The following CARHSP1 variants were observed in gnomAD, a reference collection of about 807,000 sequenced individuals.
CARHSP1 encodes calcium regulated heat stable protein 1.
A neutral mutation model predicts 12.5 loss-of-function variants in CARHSP1; 14 were observed. The ratio of observed to expected loss-of-function variants is 1.12; its 90% confidence interval spans 0.74 to 1.75. CARHSP1 has a LOEUF of 1.75. CARHSP1 is among the 40% of genes most tolerant of loss of function. The pLI, the probability that CARHSP1 is intolerant of heterozygous loss-of-function variation, is 0.00. For missense variants in CARHSP1, 343 were observed against 201.6 expected (o/e 1.70, Z -4.25); for synonymous variants, 161 against 82.0 (o/e 1.96, Z -5.20).
In CARHSP1 at chr16:8,855,190, A is replaced by C; in HGVS notation, c.418T>G (p.Trp140Gly). ...HLAPGTKHETWSGHVISS is the reference protein window; with the variant it reads ...HLAPGTKHETGSGHVISS ...TAGGAGCTGATGACATGTCCAGACCAGGTCTCATGCTTGGTGCCTGGTGCC... is the reference window on the plus strand; with the variant it reads ...TAGGAGCTGATGACATGTCCAGACCCGGTCTCATGCTTGGTGCCTGGTGCC... The change falls in exon 4 of 4, where the codon TGG becomes GGG. Residue 140 changes from tryptophan (W) to glycine (G), a missense_variant. Physicochemically the swap from Trp to Gly is radical, Grantham distance 184. Transcript: ENST00000311052. 6.2e-7 allele frequency: 1 copy of C among 1,611,204 alleles called. No homozygotes were observed. Among genetic ancestry groups the C allele is most frequent in the Non-Finnish European group, 8.5e-7 (1 of 1,178,240 alleles).
At chr16:8,860,408 T>C in intron 1 of CARHSP1, 1 of 985,384 alleles carries the variant, frequency 1.0e-6, no homozygotes, top group Non-Finnish European at 1.2e-6. Flanking sequence ...TTTTGACAAT[T>C]TTTCAAGAGC....
intron 1 of CARHSP1, among the ~76,000 whole-genome samples, chr16:8,866,740 G>A (rs980622393): frequency 4.6e-5 from 7 of 151,580 alleles, no homozygotes; most frequent in Non-Finnish European, 1.0e-4. Context: ...GGAGTGTCCA[G>A]GGGGAGGGAC....
chr16:8,857,285 T>TTTG (rs2061161842), intron 3 of CARHSP1, among the ~76,000 whole-genome samples: 11 of 127,746 alleles, frequency 8.6e-5, no homozygotes, highest in Non-Finnish European at 1.3e-4. Context: ...TTTTTTTTTT[T>TTTG]TTTTTTTTTT....
intron 2 of CARHSP1, chr16:8,858,818 G>T (rs539493584): frequency 1.8e-4 from 74 of 409,152 alleles, no homozygotes; most frequent in African/African-American, 1.4e-3. Flanking sequence ...GCATCTGCCA[G>T]GCATTATGTG....
rs2061053834 is a variant in CARHSP1 at position 8,855,101 on chromosome 16, T to G, written c.*63A>C. On this transcript the variant is annotated 3_prime_UTR_variant, in exon 4 of 4. Coordinates refer to ENST00000311052, the MANE Select transcript of CARHSP1 (RefSeq NM_014316.4). ...GTGTGGAAGAATGTCATCTCCAGTG[T>G]CTGCTGCCTCCTCCCTGCAAAGTCT... 2.2e-6 allele frequency: 3 copies of G among 1,389,320 alleles called. 1 individual carries two copies. Among genetic ancestry groups the G allele is most frequent in the South Asian group, 3.2e-5 (2 of 63,450 alleles). 86.1% of individuals were successfully genotyped at this position (1,389,320 alleles called of 1,614,324 possible). A position where few individuals can be genotyped will look rare whatever the true frequency, so the allele number is the denominator to read the frequency against.
rs2060985823 is a variant in CARHSP1, at chr16:8,852,957, C to G, written c.*2207G>C. The G allele has an allele frequency of 6.6e-6, 1 of 152,222 alleles. No individual in the cohort carries two copies. The highest frequency in any genetic ancestry group is 1.9e-4 in the East Asian group (1 of 5,172). 9.4% of individuals were successfully genotyped at this position (152,222 alleles called of 1,614,324 possible). A position where few individuals can be genotyped will look rare whatever the true frequency, so the allele number is the denominator to read the frequency against. ...AACACACGCATAGCCTTGCACAAAA[C>G]AAAAATTTATTGGGAGAAAGATGGC... On this transcript the variant is annotated 3_prime_UTR_variant, in exon 4 of 4. Transcript: ENST00000311052.
rs536562914 is a variant in CARHSP1 at position 8,854,962 on chromosome 16, A to G, written c.*202T>C. On this transcript the variant is annotated 3_prime_UTR_variant, in exon 4 of 4. Coordinates refer to ENST00000311052, the MANE Select transcript of CARHSP1 (RefSeq NM_014316.4). ...CTTCAGATGGTGAGAGGTTGTTGCA[A>G]TGGTCATAGGCTGTGCTGATGGCCG... The G allele has an allele frequency of 1.7e-5, 7 of 412,680 alleles. No individual in the cohort carries two copies. The highest frequency in any genetic ancestry group is 8.6e-5 in the Admixed American group (2 of 23,314). The allele number at this position is 412,680 out of a possible 1,614,324, so 25.6% of individuals were successfully genotyped here. A position where few individuals can be genotyped will look rare whatever the true frequency, so the allele number is the denominator to read the frequency against.
At position 8,866,660 on chromosome 16, in the gene CARHSP1, G is replaced by A. The variant is rs140002569; in HGVS notation, c.-8+2306C>T. Among the ~76,000 whole-genome samples, 341 of 152,060 alleles carry A rather than the reference G, an allele frequency of 2.2e-3. 1 individual carries two copies. Among genetic ancestry groups the A allele is most frequent in the African/African-American group, 7.6e-3 (314 of 41,462 alleles). ...GCCACATTCCCCTCCATTGTTCCGG[G>A]GAGAGCGGGGGGTCTGGCGAGGGAG... is the stretch of plus-strand genomic sequence containing the variant. On this transcript the variant is annotated intron_variant, in intron 1 of 3. Transcript: ENST00000311052.
Position 8,865,433 on chromosome 16 carries a change from C to T in CARHSP1, c.-8+3533G>A, listed in dbSNP as rs373731701. ...CCAGAGATTCCATTCTTAATAGCTT[C>T]AGCCCCTTTATTGAAGACAGGATGA... On this transcript the variant is annotated intron_variant, in intron 1 of 3. Coordinates refer to ENST00000311052, the MANE Select transcript of CARHSP1 (RefSeq NM_014316.4). Among the ~76,000 whole-genome samples, 30 of 152,332 alleles carry T rather than the reference C, an allele frequency of 2.0e-4. No individual in the cohort carries two copies. The East Asian group carries it at 3.5e-3, about 18-fold the overall frequency.
At chr16:8,858,915 AG>A in intron 2 of CARHSP1, 1 of 451,426 alleles carries the variant, frequency 2.2e-6, no homozygotes. Context: ...GTGTGGTTAA[AG>A]CCCAGCGATT....
At chr16:8,859,062 A>G (rs569586037) in intron 2 of CARHSP1, 109 bp downstream of exon 2, 2 of 1,069,860 alleles carry the variant, frequency 1.9e-6, no homozygotes, top group African/African-American at 1.6e-5. Flanking sequence ...AGGTCTGCCT[A>G]TTTGGCAGTC....
At chr16:8,857,263 G>GTTTTTTTTTTTTTTTTTTTTTT (rs756390920) in intron 3 of CARHSP1, among the ~76,000 whole-genome samples, 4 of 57,032 alleles carry the variant, frequency 7.0e-5, no homozygotes, top group South Asian at 8.8e-4. Flanking sequence ...GGGCAGATCT[G>GTTTTTTTTTTTTTTTTTTTTTT]TTTTTTTTTT....
Position 8,865,711 on chromosome 16 carries a change from C to G in CARHSP1, c.-8+3255G>C, listed in dbSNP as rs113701810. 2.3e-3 allele frequency among the ~76,000 whole-genome samples: 353 copies of G among 152,344 alleles called. 1 individual carries two copies. Among genetic ancestry groups the G allele is most frequent in the African/African-American group, 8.0e-3 (332 of 41,574 alleles). On this transcript the variant is annotated intron_variant, in intron 1 of 3. Transcript: ENST00000311052. ...AGTGCTTTCATACACCCTACAGCCA[C>G]TGTCCACAGACTTCTGCGTCAGGCC...
At chr16:8,858,799 C>T (rs752337115) in intron 2 of CARHSP1, 24 of 421,130 alleles carry the variant, frequency 5.7e-5, no homozygotes, top group Admixed American at 1.2e-4. Context: ...CTCGCAAGGC[C>T]TGAGACCTGC....
intron 3 of CARHSP1, among the ~76,000 whole-genome samples, chr16:8,856,558 C>T (rs1230141110): frequency 4.0e-5 from 6 of 149,616 alleles, no homozygotes. Context: ...TCCATGTATG[C>T]ATGCATATGT....
rs139494286 is a variant in CARHSP1 at position 8,856,713 on chromosome 16, A to C, written c.282-1387T>G. On this transcript the variant is annotated intron_variant, in intron 3 of 3. Coordinates refer to ENST00000311052, the MANE Select transcript of CARHSP1 (RefSeq NM_014316.4). ...TTCCGTGTTAGCGGGTATGCTGTGCAGAGTAGGACTCTGTCTGCCCCTGCC... is the reference window on the plus strand; with the variant it reads ...TTCCGTGTTAGCGGGTATGCTGTGCCGAGTAGGACTCTGTCTGCCCCTGCC... 5.1e-3 allele frequency among the ~76,000 whole-genome samples: 777 copies of C among 152,288 alleles called. 4 individuals carry two copies. The highest frequency in any genetic ancestry group is 0.018 in the African/African-American group (733 of 41,558).
In CARHSP1 at chr16:8,854,364, C is replaced by T. The variant is rs1017607752; in HGVS notation, c.*800G>A. 6.6e-6 allele frequency: 1 copy of T among 152,108 alleles called. No homozygotes were observed. The highest frequency in any genetic ancestry group is 1.5e-5 in the Non-Finnish European group (1 of 68,046). The allele number at this position is 152,108 out of a possible 1,614,324, so 9.4% of individuals were successfully genotyped here. Reference sequence around the variant, plus strand: ...CCACAAGCCCTTCCCACCACCACCACCCCAGCCCCCCGCCGCCATAATTAC... The same window carrying T: ...CCACAAGCCCTTCCCACCACCACCATCCCAGCCCCCCGCCGCCATAATTAC... On this transcript the variant is annotated 3_prime_UTR_variant, in exon 4 of 4. Transcript: ENST00000311052.
chr16:8,864,718 A>G (rs1021245791), intron 1 of CARHSP1, among the ~76,000 whole-genome samples: 1 of 152,068 alleles, frequency 6.6e-6, no homozygotes, highest in Non-Finnish European at 1.5e-5. Flanking sequence ...CGGCCAAGGG[A>G]GGGAGCCCAG....
At chr16:8,868,788 AC>A (rs2061487261) in intron 1 of CARHSP1, 177 bp downstream of exon 1, 1 of 151,660 alleles carries the variant, frequency 6.6e-6, no homozygotes, top group South Asian at 2.1e-4. Context: ...GGGAGGAGCA[AC>A]CCGCGTTCCC....
Sources: allele counts gnomAD v4.1 joint callset (sites outside exome capture counted in the v4.1 genomes callset), GRCh38; gene constraint gnomAD v4.1.1; transcripts MANE v1.5; gene names NCBI Gene and HGNC (gene_info 2026-07-23, HGNC 2026-07-21).